DPP10: variants seen among roughly 807,000 people sequenced by gnomAD.
DPP10 encodes the protein dipeptidyl peptidase like 10.
DPP10 carries 33 observed loss-of-function variants against 120.9 expected under a neutral mutation model. That is an observed-to-expected ratio of 0.27 (90% CI 0.21 to 0.37). The LOEUF is 0.37. Among genes scored for constraint, DPP10 ranks in the 10% least tolerant of loss-of-function variants. The pLI is 1.00. For missense variants in DPP10, 816 were observed against 942.8 expected (o/e 0.87, Z 1.76); for synonymous variants, 337 against 326.1 (o/e 1.03, Z -0.36).
intron 1 of DPP10, among the ~76,000 whole-genome samples, chr2:115,154,769 C>T (rs1055170945): frequency 6.6e-6 from 1 of 151,828 alleles, no homozygotes; most frequent in African/African-American, 2.4e-5. Flanking sequence ...TAACTCCAGT[C>T]CCCAACAGAA....
At chr2:114,924,347 C>T (rs988657756) in intron 1 of DPP10, among the ~76,000 whole-genome samples, 2 of 151,694 alleles carry the variant, frequency 1.3e-5, no homozygotes, top group Non-Finnish European at 2.9e-5. Context: ...GGCAACATGG[C>T]GAAACCCCAT....
At chr2:115,525,510 A>G (rs1336504787) in intron 4 of DPP10, among the ~76,000 whole-genome samples, 1 of 152,148 alleles carries the variant, frequency 6.6e-6, no homozygotes, top group Non-Finnish European at 1.5e-5. Context: ...ACACAGAGAC[A>G]GAAAATTATG....
At chr2:114,802,785 T>C (rs1036483171) in intron 1 of DPP10, among the ~76,000 whole-genome samples, 1 of 152,222 alleles carries the variant, frequency 6.6e-6, no homozygotes, top group Non-Finnish European at 1.5e-5. Flanking sequence ...ACCTGATTCA[T>C]AAGATCTTCT....
intron 17 of DPP10, among the ~76,000 whole-genome samples, chr2:115,788,067 AC>A (rs540766386): frequency 1.0e-3 from 158 of 152,282 alleles, no homozygotes; most frequent in Non-Finnish European, 2.0e-3. Flanking sequence ...CTGTCATCAA[AC>A]TTGCTCTTCT....
At chr2:114,448,444 A>C (rs1678064680) in intron 1 of DPP10, among the ~76,000 whole-genome samples, 1 of 152,214 alleles carries the variant, frequency 6.6e-6, no homozygotes, top group Admixed American at 6.5e-5. Context: ...GGGTCTACAA[A>C]TGAAGCATGG....
chr2:115,735,888 T>C (rs969270852), intron 8 of DPP10, among the ~76,000 whole-genome samples: 2 of 152,000 alleles, frequency 1.3e-5, no homozygotes, highest in African/African-American at 4.8e-5. Context: ...ACCAGTACTA[T>C]TGGGCAAAAA....
chr2:115,828,000 T>C (rs979192226), intron 21 of DPP10, among the ~76,000 whole-genome samples: 5 of 152,184 alleles, frequency 3.3e-5, no homozygotes, highest in Non-Finnish European at 7.4e-5. Flanking sequence ...TTTGTGTAGA[T>C]ACAGATTTCC....
intron 1 of DPP10, among the ~76,000 whole-genome samples, chr2:114,484,419 A>C (rs1681319022): frequency 6.6e-6 from 1 of 152,150 alleles, no homozygotes; most frequent in African/African-American, 2.4e-5. Context: ...TTTGTACCTC[A>C]TTAATCAGTT....
chr2:115,051,086 A>G (rs776149404), intron 1 of DPP10, among the ~76,000 whole-genome samples: 1 of 152,222 alleles, frequency 6.6e-6, no homozygotes, highest in Non-Finnish European at 1.5e-5. Flanking sequence ...CAACAAACAC[A>G]ACAGGCATTA....
intron 1 of DPP10, among the ~76,000 whole-genome samples, chr2:114,737,810 G>A (rs1677605343): frequency 6.6e-6 from 1 of 152,228 alleles, no homozygotes; most frequent in East Asian, 1.9e-4. Context: ...ATAGGACCCA[G>A]ATTGTTTTAC....
intron 3 of DPP10, among the ~76,000 whole-genome samples, chr2:115,453,400 C>A (rs1386440992): frequency 6.6e-6 from 1 of 151,304 alleles, no homozygotes; most frequent in African/African-American, 2.4e-5. Context: ...TGAGATTTTG[C>A]AAAGTCTATG....
rs547599647 is a variant in DPP10, at chr2:115,509,623, G to A, written c.366+10019G>A. ...GGAGGTTACAGTGAGCTGAGATTGC[G>A]CCACTGCACTCCAGCCTGGACGACA... On this transcript the variant is annotated intron_variant, in intron 4 of 25. Transcript: ENST00000410059. Among the ~76,000 whole-genome samples the A allele has an allele frequency of 7.9e-5, 12 of 152,022 alleles. No homozygotes were observed. In the East Asian group the frequency reaches 1.5e-3, roughly 20 times the overall value.
Position 115,677,086 on chromosome 2 carries a change from G to T in DPP10, c.442-12601G>T, listed in dbSNP as rs575196201. On this transcript the variant is annotated intron_variant, in intron 5 of 25. Transcript: ENST00000410059. ...TTCCAGCCAGAAATATAACACTCAG[G>T]CAAAACTATCCTTTAGAAATTAAGG... 1.8e-3 allele frequency among the ~76,000 whole-genome samples: 271 copies of T among 152,152 alleles called. 1 individual carries two copies. The highest frequency in any genetic ancestry group is 2.0e-3 in the Non-Finnish European group (138 of 67,976).
At chr2:115,088,757 A>AAAAAAC (rs1708964582) in intron 1 of DPP10, among the ~76,000 whole-genome samples, 1 of 149,742 alleles carries the variant, frequency 6.7e-6, no homozygotes, top group Non-Finnish European at 1.5e-5. Flanking sequence ...TGACAAAAAA[A>AAAAAAC]AAAAAAAAAA....
At chr2:115,135,247 T>G (rs1034525218) in intron 1 of DPP10, among the ~76,000 whole-genome samples, 3 of 151,752 alleles carry the variant, frequency 2.0e-5, no homozygotes, top group Non-Finnish European at 1.5e-5. Context: ...TTGAGATATA[T>G]ATATATATAT....
At chr2:115,397,237 G>A (rs1207319212) in intron 3 of DPP10, among the ~76,000 whole-genome samples, 2 of 152,148 alleles carry the variant, frequency 1.3e-5, no homozygotes, top group African/African-American at 4.8e-5. Context: ...GTTGGGTGAT[G>A]TAACCTGGAA....
Position 115,399,035 on chromosome 2 carries a change from G to A in DPP10, c.271+55123G>A, listed in dbSNP as rs530303905. ...ACTTAATCATGTAGAGATTTGTATC[G>A]TTGATTATGCATAAAATAATTTGAC... On this transcript the variant is annotated intron_variant, in intron 3 of 25. Coordinates refer to ENST00000410059, the MANE Select transcript of DPP10 (RefSeq NM_020868.6). 4.3e-4 allele frequency among the ~76,000 whole-genome samples: 66 copies of A among 152,106 alleles called. 1 individual carries two copies. In the South Asian group the frequency reaches 7.9e-3, roughly 18 times the overall value.
intron 5 of DPP10, among the ~76,000 whole-genome samples, chr2:115,647,101 G>A (rs1161412651): frequency 6.6e-6 from 1 of 152,060 alleles, no homozygotes; most frequent in Non-Finnish European, 1.5e-5. Context: ...AATTCCTATG[G>A]GCTCCAGATG....
intron 1 of DPP10, among the ~76,000 whole-genome samples, chr2:115,019,470 A>C (rs999283127): frequency 2.0e-5 from 3 of 152,136 alleles, no homozygotes; most frequent in African/African-American, 7.2e-5. Context: ...AACAAAAACA[A>C]GGAAAAATGA....
Sources: gnomAD v4.1 joint callset for allele counts (sites outside exome capture counted in the v4.1 genomes callset) on GRCh38, gnomAD v4.1.1 for gene constraint, MANE v1.5 for transcripts, NCBI Gene and HGNC (gene_info 2026-07-23, HGNC 2026-07-21) for gene names.